ANKRD26: variants seen among roughly 807,000 people sequenced by gnomAD.
The protein encoded by ANKRD26 is ankyrin repeat domain 26.
ANKRD26 carries 141 observed loss-of-function variants against 208.7 expected under a neutral mutation model. The observed-to-expected ratio is 0.68, with a 90% CI of 0.59 to 0.78. The LOEUF is 0.78. Ranked by LOEUF, ANKRD26 falls within the 30% of genes least tolerant of loss-of-function variation. The pLI, the probability that ANKRD26 is intolerant of heterozygous loss-of-function variation, is 0.00. For missense variants in ANKRD26, 1,889 were observed against 1,938.7 expected, an observed-to-expected ratio of 0.97 and a Z score of 0.48; for synonymous variants, 636 against 660.4, an observed-to-expected ratio of 0.96 and a Z score of 0.57.
the ANKRD26 span, among the ~76,000 whole-genome samples, chr10:26,961,390 C>G: frequency 1.2e-4 from 18 of 151,968 alleles, no homozygotes; most frequent in African/African-American, 4.1e-4. Flanking sequence ...GCAATTTTCC[C>G]AAAAGTAAGC....
At chr10:27,091,525 A>G (rs2056299299) in intron 4 of ANKRD26, among the ~76,000 whole-genome samples, 2 of 152,240 alleles carry the variant, frequency 1.3e-5, no homozygotes, top group African/African-American at 4.8e-5. Flanking sequence ...GCGATCAACA[A>G]TCACCTAGGG....
At chr10:27,054,856 C>G (rs1419184022) in intron 15 of ANKRD26, among the ~76,000 whole-genome samples, 1 of 152,122 alleles carries the variant, frequency 6.6e-6, no homozygotes, top group African/African-American at 2.4e-5. Context: ...AGGCAGAAGT[C>G]AGATGATGAA....
chr10:26,948,944 G>A, the ANKRD26 span, among the ~76,000 whole-genome samples: 4 of 151,970 alleles, frequency 2.6e-5, no homozygotes, highest in East Asian at 1.9e-4. Context: ...GCAGTGAGCC[G>A]AAATCTCACC....
chr10:27,031,578 G>A (rs2053864968), intron 25 of ANKRD26, among the ~76,000 whole-genome samples: 1 of 152,140 alleles, frequency 6.6e-6, no homozygotes, highest in Non-Finnish European at 1.5e-5. Context: ...AAGGGATGTG[G>A]GGTTTCTTTT....
At chr10:26,962,771 AG>A in the ANKRD26 span, among the ~76,000 whole-genome samples, 1 of 152,222 alleles carries the variant, frequency 6.6e-6, no homozygotes, top group Non-Finnish European at 1.5e-5. Context: ...CAAACAAAAA[AG>A]CTGTGTATGG....
chr10:27,060,237 A>G, intron 15 of ANKRD26, 108 bp downstream of exon 15: 1 of 1,147,858 alleles, frequency 8.7e-7, no homozygotes, highest in Non-Finnish European at 1.3e-6. Flanking sequence ...CCTTCCAACA[A>G]ATTTGGAGAA....
intron 1 of ANKRD26, among the ~76,000 whole-genome samples, chr10:27,094,697 T>C (rs1405824542): frequency 2.0e-5 from 3 of 152,236 alleles, no homozygotes; most frequent in Non-Finnish European, 2.9e-5. Context: ...TAGTTGACAG[T>C]ATGTTTTAAA....
chr10:27,017,131 C>A (rs1370415884), intron 30 of ANKRD26, among the ~76,000 whole-genome samples: 1 of 152,090 alleles, frequency 6.6e-6, no homozygotes, highest in Non-Finnish European at 1.5e-5. Flanking sequence ...CATTAGTACT[C>A]ATGAACTCTG....
chr10:27,064,939 A>G (rs185701663), intron 11 of ANKRD26, among the ~76,000 whole-genome samples: 72 of 152,288 alleles, frequency 4.7e-4, no homozygotes, highest in Middle Eastern at 3.4e-3. Context: ...TATGCCCTAT[A>G]ATAATAAAAA....
At chr10:27,090,636 T>G (rs748170200) in intron 4 of ANKRD26, among the ~76,000 whole-genome samples, 1 of 152,170 alleles carries the variant, frequency 6.6e-6, no homozygotes, top group Non-Finnish European at 1.5e-5. Flanking sequence ...ACTGGGGTAT[T>G]ACATACTAGA....
chr10:27,016,912 GT>G (rs2053313512), intron 30 of ANKRD26, among the ~76,000 whole-genome samples: 1 of 152,110 alleles, frequency 6.6e-6, no homozygotes. Flanking sequence ...TATCAGCCAG[GT>G]TTGGTGGCTC....
chr10:27,009,509 G>A (rs1589205696), intron 32 of ANKRD26, among the ~76,000 whole-genome samples: 1 of 152,016 alleles, frequency 6.6e-6, no homozygotes, highest in South Asian at 2.1e-4. Flanking sequence ...TTAACACAGT[G>A]CCTGATACAG....
At position 27,040,175 on chromosome 10, in the gene ANKRD26, G is replaced by T; in HGVS notation, c.2165C>A (p.Ser722Tyr). ...ATCCTGGATTTTCAATAGGCTAACA[G>T]AATCTGTATCAGGAAGAAAACAAGA... The part of the protein sequence containing the change: ...IEQLGMECKD[S>Y]VSLLKIQDAA... The change falls in exon 21 of 34, where the codon TCT (serine) becomes TAT (tyrosine). Residue 722 changes from serine (S) to tyrosine (Y), a missense_variant. Ser to Tyr is a moderately radical substitution (Grantham distance 144). This residue lies in a region of ANKRD26 where 1,272 missense variants were observed against 1,273.8 expected (regional missense o/e 1.00). Transcript: ENST00000376087. The T allele has an allele frequency of 6.2e-7, 1 of 1,606,782 alleles. No individual in the cohort carries two copies. Among genetic ancestry groups the T allele is most frequent in the Non-Finnish European group, 8.5e-7 (1 of 1,174,628 alleles).
At chr10:27,002,426 G>C (rs2052745765), downstream of ANKRD26, among the ~76,000 whole-genome samples, 1 of 152,152 alleles carries the variant, frequency 6.6e-6, no homozygotes, top group African/African-American at 2.4e-5. Flanking sequence ...AGGTATTCTG[G>C]TTTCCTCCTA....
intron 5 of ANKRD26, among the ~76,000 whole-genome samples, chr10:26,977,199 T>C (rs2052240721): frequency 2.0e-5 from 3 of 152,216 alleles, no homozygotes; most frequent in Non-Finnish European, 4.4e-5. Flanking sequence ...CCGGAACTTT[T>C]TGTGCATCCC....
At chr10:26,983,194 T>A (rs2052334471) in intron 3 of ANKRD26, among the ~76,000 whole-genome samples, 1 of 152,218 alleles carries the variant, frequency 6.6e-6, no homozygotes, top group African/African-American at 2.4e-5. Flanking sequence ...AAGGCCTCTA[T>A]ATGCCATAGA....
chr10:27,061,222 A>G lies in ANKRD26; in HGVS notation c.1384T>C (p.Cys462Arg). The G allele has an allele frequency of 6.2e-7, 1 of 1,606,298 alleles. No individual in the cohort carries two copies. The highest frequency in any genetic ancestry group is 8.5e-7 in the Non-Finnish European group (1 of 1,173,516). Residue 462 changes from cysteine (C) to arginine (R), a missense_variant, in exon 13 of 34, where the codon TGC becomes CGC. Physicochemically the swap from Cys to Arg is radical, Grantham distance 180. Around this residue, in one of 3 missense-constraint regions of ANKRD26, gnomAD observed 1,272 missense variants for 1,273.8 expected, o/e 1.00. Transcript: ENST00000376087. ...QAEDVFYIPS[C>R]MSGSRNFKMA... ...TTAAAGTTTCTTGATCCACTCATGC[A>G]AGAAGGTATATAAAACACATCTAAG...
intron 9 of ANKRD26, among the ~76,000 whole-genome samples, chr10:27,073,535 C>G (rs1461519839): frequency 6.6e-6 from 1 of 152,142 alleles, no homozygotes; most frequent in African/African-American, 2.4e-5. Context: ...CCTGTGGCTC[C>G]CTCCCTTCCC....
At chr10:26,951,297 T>G in the ANKRD26 span, among the ~76,000 whole-genome samples, 1 of 152,144 alleles carries the variant, frequency 6.6e-6, no homozygotes, top group Non-Finnish European at 1.5e-5. Flanking sequence ...GTGTAATCAC[T>G]CACAGTTGAA....
Sources: gnomAD v4.1 joint callset for allele counts (sites outside exome capture counted in the v4.1 genomes callset) on GRCh38, gnomAD v4.1.1 for gene constraint, gnomAD v4.1.1 regional missense constraint, MANE v1.5 for transcripts, NCBI Gene and HGNC (gene_info 2026-07-23, HGNC 2026-07-21) for gene names.